RUFY4: variants seen among roughly 807,000 people sequenced by gnomAD.
The protein encoded by RUFY4 is RUN and FYVE domain containing 4.
RUFY4 carries 73 observed loss-of-function variants against 69.0 expected under a neutral mutation model. The observed-to-expected ratio is 1.06, with a 90% CI of 0.88 to 1.29. The LOEUF is 1.29. RUFY4 is among the 50% of genes most tolerant of loss of function. RUFY4 has a pLI of 0.00. For synonymous variants in RUFY4, 287 were observed against 271.8 expected (o/e 1.06, Z -0.55); for missense variants, 770 against 705.6 (o/e 1.09, Z -1.03).
chr2:218,069,684 C>G (rs913777622), upstream of RUFY4: 1 of 152,346 alleles, frequency 6.6e-6, no homozygotes, highest in African/African-American at 2.4e-5. Flanking sequence ...CATTTACCTC[C>G]GTTTCCCTCT....
chr2:218,066,312 A>G (rs1289639539), upstream of RUFY4, among the ~76,000 whole-genome samples: 1 of 150,116 alleles, frequency 6.7e-6, no homozygotes, highest in Non-Finnish European at 1.5e-5. Context: ...GCCTCCCCAG[A>G]AGCTGGGATT....
rs200552164 is a variant in RUFY4 at position 218,038,236 on chromosome 2, TA to T, written c.-1158+2852del. 7.1e-3 allele frequency among the ~76,000 whole-genome samples: 1,046 copies of T among 146,576 alleles called. 11 individuals are homozygous for T. Among genetic ancestry groups the T allele is most frequent in the African/African-American group, 0.024 (964 of 39,988 alleles). ...CACCTTAGAATTACAGCTGCTTGAA[TA>T]AAAAAAAAAGTTTTCAGAAAAACAC... On this transcript the variant is annotated intron_variant and NMD_transcript_variant, in intron 2 of 13. Coordinates refer to the RUFY4 transcript ENST00000457754.
chr2:218,072,822 G>C, exon 4 of RUFY4: 1 of 1,536,274 alleles, frequency 6.5e-7, no homozygotes, highest in Non-Finnish European at 8.7e-7. Context: ...ATCCGCTTCT[G>C]CCTGGCCCGT....
chr2:218,059,222 A>T (rs1379304865), intron 3 of RUFY4: 1 of 152,248 alleles, frequency 6.6e-6, no homozygotes, highest in Non-Finnish European at 1.5e-5. Flanking sequence ...GTTCTTTGGC[A>T]AAAGTACCTT....
At chr2:218,040,899 T>C (rs554299936) in intron 2 of RUFY4, among the ~76,000 whole-genome samples, 1 of 152,172 alleles carries the variant, frequency 6.6e-6, no homozygotes, top group South Asian at 2.1e-4. Context: ...ACGAGACTTA[T>C]TAATGGTAGA....
At chr2:218,040,307 G>C (rs1959043636) in intron 2 of RUFY4, among the ~76,000 whole-genome samples, 1 of 152,118 alleles carries the variant, frequency 6.6e-6, no homozygotes. Flanking sequence ...GGACTCAGAA[G>C]GGAGGTGTCG....
chr2:218,043,792 G>A (rs1688758599), intron 2 of RUFY4, among the ~76,000 whole-genome samples: 1 of 152,202 alleles, frequency 6.6e-6, no homozygotes, highest in South Asian at 2.1e-4. Flanking sequence ...CTTCCTCCCA[G>A]GAGCCTGTCT....
intron 2 of RUFY4, among the ~76,000 whole-genome samples, chr2:218,040,861 A>G (rs967974545): frequency 6.6e-6 from 1 of 152,128 alleles, no homozygotes; most frequent in Non-Finnish European, 1.5e-5. Flanking sequence ...ACTGAAATCT[A>G]TAGGGGTACG....
At chr2:218,042,126 A>C (rs1474867221) in intron 2 of RUFY4, among the ~76,000 whole-genome samples, 1 of 152,232 alleles carries the variant, frequency 6.6e-6, no homozygotes, top group Non-Finnish European at 1.5e-5. Context: ...GCTGGTGGGA[A>C]CCACCACATG....
chr2:218,043,323 C>G (rs1027917729), intron 2 of RUFY4, among the ~76,000 whole-genome samples: 27 of 152,168 alleles, frequency 1.8e-4, no homozygotes, highest in Non-Finnish European at 2.8e-4. Context: ...GAGGATAGCT[C>G]CTCTCTGCAG....
At chr2:218,071,879 T>C (rs1689496228) in intron 2 of RUFY4, among the ~76,000 whole-genome samples, 1 of 152,142 alleles carries the variant, frequency 6.6e-6, no homozygotes, top group Admixed American at 6.5e-5. Flanking sequence ...CAGCATCTGC[T>C]CAGCCCCATC....
At chr2:218,080,835 G>A (rs1043321785) in intron 8 of RUFY4, among the ~76,000 whole-genome samples, 8 of 152,146 alleles carry the variant, frequency 5.3e-5, no homozygotes, top group Admixed American at 5.2e-4. Context: ...CCTGGGTGAA[G>A]GTGTAGGGAG....
upstream of RUFY4, among the ~76,000 whole-genome samples, chr2:218,064,620 G>A (rs1327519758): frequency 6.6e-6 from 1 of 152,126 alleles, no homozygotes; most frequent in African/African-American, 2.4e-5. Context: ...TGCAACTTGA[G>A]GCCAAGTCTG....
intron 2 of RUFY4, among the ~76,000 whole-genome samples, chr2:218,042,657 A>G (rs1688724490): frequency 6.6e-6 from 1 of 152,052 alleles, no homozygotes; most frequent in South Asian, 2.1e-4. Flanking sequence ...AGCAGCAAGC[A>G]TGAAAGTTGT....
At chr2:218,070,785 G>C (rs1689467386) in exon 2 of RUFY4, 1 of 1,537,220 alleles carries the variant, frequency 6.5e-7, no homozygotes, top group Non-Finnish European at 8.7e-7. Flanking sequence ...GGGCTATGGG[G>C]ATGGGCAGGG....
chr2:218,076,622 G>C (rs1689639780), intron 8 of RUFY4, 89 bp downstream of exon 10: 2 of 1,513,844 alleles, frequency 1.3e-6, no homozygotes, highest in African/African-American at 1.4e-5. Context: ...GGTCTTGTGA[G>C]AACCTCCCAT....
chr2:218,090,230 G>C, exon 11 of RUFY4: 3 of 382,042 alleles, frequency 7.9e-6, no homozygotes, highest in Non-Finnish European at 1.6e-5. Context: ...AGTGGTTCCA[G>C]CCCTGCAACT....
chr2:218,066,179 T>C (rs75628761), upstream of RUFY4, among the ~76,000 whole-genome samples: 6 of 34,494 alleles, frequency 1.7e-4, no homozygotes, highest in African/African-American at 3.4e-4. Flanking sequence ...TTTCTTTTCT[T>C]TTTTTTTTTT....
chr2:218,063,232 A>T (rs1689242475), intron 3 of RUFY4, among the ~76,000 whole-genome samples: 1 of 152,198 alleles, frequency 6.6e-6, no homozygotes, highest in Non-Finnish European at 1.5e-5. Flanking sequence ...CTAAGGGATG[A>T]CCATCCTACC....
Sources: allele counts gnomAD v4.1 joint callset (sites outside exome capture counted in the v4.1 genomes callset), GRCh38; gene constraint gnomAD v4.1.1; transcripts MANE v1.5; gene names NCBI Gene and HGNC (gene_info 2026-07-23, HGNC 2026-07-21).